ZDHHC21: variants seen among roughly 807,000 people sequenced by gnomAD.
The protein encoded by ZDHHC21 is zDHHC palmitoyltransferase 21, also known as palmitoyltransferase ZDHHC21.
In ZDHHC21, 15 loss-of-function variants were observed where a neutral mutation model predicts 34.6. The ratio of observed to expected loss-of-function variants is 0.43; its 90% CI spans 0.29 to 0.67. ZDHHC21 has a LOEUF of 0.67. Ranked by LOEUF, ZDHHC21 falls within the 30% of genes least tolerant of loss-of-function variation. ZDHHC21 has a pLI of 0.14. For missense variants in ZDHHC21, 344 were observed against 327.7 expected (o/e 1.05, Z -0.38); for synonymous variants, 142 against 101.8 (o/e 1.40, Z -2.38).
intron 5 of ZDHHC21, among the ~76,000 whole-genome samples, chr9:14,665,565 A>C (rs1834272568): frequency 6.6e-6 from 1 of 151,372 alleles, no homozygotes; most frequent in African/African-American, 2.4e-5. Flanking sequence ...CCAAAGTTGA[A>C]ATGAAGGAAA....
At chr9:14,650,887 C>T (rs907013470) in intron 7 of ZDHHC21, among the ~76,000 whole-genome samples, 1 of 151,942 alleles carries the variant, frequency 6.6e-6, no homozygotes, top group African/African-American at 2.4e-5. Flanking sequence ...TTCTGTCACC[C>T]ACTGCTCTCA....
At chr9:14,622,700 C>T (rs1825511803) in intron 8 of ZDHHC21, 15 of 985,128 alleles carry the variant, frequency 1.5e-5, no homozygotes, top group Non-Finnish European at 1.8e-5. Flanking sequence ...ACCTGACAAT[C>T]GCACATAAAG....
At chr9:14,670,836 T>C (rs1403692338) in intron 5 of ZDHHC21, among the ~76,000 whole-genome samples, 1 of 152,076 alleles carries the variant, frequency 6.6e-6, no homozygotes, top group South Asian at 2.1e-4. Context: ...AAGGTGCTTT[T>C]GCCTTGTGTA....
chr9:14,619,706 TC>T, intron 8 of ZDHHC21, 24 bp from the exon 9 acceptor site: 1 of 1,256,880 alleles, frequency 8.0e-7, no homozygotes, highest in Non-Finnish European at 1.1e-6. Context: ...AAAATTATAT[TC>T]AGATGTAAGA....
At chr9:14,607,644 C>G (rs1483425040), downstream of ZDHHC21, among the ~76,000 whole-genome samples, 1 of 151,662 alleles carries the variant, frequency 6.6e-6, no homozygotes, top group African/African-American at 2.4e-5. Flanking sequence ...GAAGTAAGGA[C>G]AAGAGATCAG....
intron 6 of ZDHHC21, 44 bp from the exon 7 acceptor site, chr9:14,658,931 G>A (rs1352902106): frequency 4.4e-6 from 7 of 1,575,454 alleles, no homozygotes; most frequent in Non-Finnish European, 6.0e-6. Context: ...TAAATTTCAA[G>A]AAGTTCACCT....
chr9:14,616,211 G>C lies in ZDHHC21; in HGVS notation c.*2755C>G, dbSNP rs966545066. On this transcript the variant is annotated 3_prime_UTR_variant, in exon 10 of 10. Transcript: ENST00000380916. The stretch of plus-strand genomic sequence containing the variant: ...TAGCTACAATACATTTCTATGTTTT[G>C]TAATAAATTGGTAATTTCAAAGTAA... 6.6e-6 allele frequency: 1 copy of C among 151,620 alleles called. No homozygotes were observed. The highest frequency in any genetic ancestry group is 1.5e-5 in the Non-Finnish European group (1 of 67,722). 9.4% of individuals were successfully genotyped at this position (151,620 alleles called of 1,614,324 possible). A position where few individuals can be genotyped will look rare whatever the true frequency, so the allele number is the denominator to read the frequency against.
intron 3 of ZDHHC21, among the ~76,000 whole-genome samples, chr9:14,675,537 C>T (rs756321387): frequency 2.0e-5 from 3 of 151,838 alleles, no homozygotes; most frequent in African/African-American, 7.2e-5. Flanking sequence ...GAAGCACTGA[C>T]CCATGAGCTT....
At chr9:14,608,225 T>C (rs532553719), downstream of ZDHHC21, among the ~76,000 whole-genome samples, 2 of 152,290 alleles carry the variant, frequency 1.3e-5, no homozygotes, top group East Asian at 3.9e-4. Flanking sequence ...GGATTACGCA[T>C]CTATAGTTTC....
chr9:14,681,128 C>A (rs143663837), intron 2 of ZDHHC21, among the ~76,000 whole-genome samples: 1 of 152,164 alleles, frequency 6.6e-6, no homozygotes, highest in Non-Finnish European at 1.5e-5. Flanking sequence ...TATAACATTA[C>A]TAGTACGCAC....
chr9:14,671,706 TA>T (rs1425068191), intron 5 of ZDHHC21, among the ~76,000 whole-genome samples: 1 of 152,096 alleles, frequency 6.6e-6, no homozygotes, highest in African/African-American at 2.4e-5. Flanking sequence ...AAAACTCGAT[TA>T]AAATGTTCTA....
Position 14,651,919 on chromosome 9 carries a change from C to G in ZDHHC21, c.504+6830G>C, listed in dbSNP as rs79571708. ...CTTAAATGCCAAATCATTACCCAATCTACAGGTTTTAGAACCTAGACAATG... is the reference window on the plus strand; with the variant it reads ...CTTAAATGCCAAATCATTACCCAATGTACAGGTTTTAGAACCTAGACAATG... On this transcript the variant is annotated intron_variant, in intron 7 of 9. Coordinates refer to ENST00000380916, the MANE Select transcript of ZDHHC21 (RefSeq NM_178566.6). Among the ~76,000 whole-genome samples the G allele has an allele frequency of 8.9e-3, 1,360 of 151,974 alleles. 6 individuals carry two copies. The highest frequency in any genetic ancestry group is 0.015 in the Non-Finnish European group (1,025 of 67,808).
chr9:14,636,528 A>G (rs1459635383), intron 8 of ZDHHC21, among the ~76,000 whole-genome samples: 1 of 152,150 alleles, frequency 6.6e-6, no homozygotes, highest in Non-Finnish European at 1.5e-5. Context: ...GAAACATCAG[A>G]TTTAAACTGC....
the ZDHHC21 span, among the ~76,000 whole-genome samples, chr9:14,599,534 A>G: frequency 6.6e-6 from 1 of 151,356 alleles, no homozygotes; most frequent in Non-Finnish European, 1.5e-5. Context: ...TTGGGCAGAC[A>G]CTGAGCTAGC....
In ZDHHC21 at chr9:14,655,412, G is replaced by C. The variant is rs567228958; in HGVS notation, c.504+3337C>G. On this transcript the variant is annotated intron_variant, in intron 7 of 9. Transcript: ENST00000380916. ...GTACTAGAAAAAGCACCAATATGTAGATAACTCAAAACAAATACTGACTAT... is the reference window on the plus strand; with the variant it reads ...GTACTAGAAAAAGCACCAATATGTACATAACTCAAAACAAATACTGACTAT... Among the ~76,000 whole-genome samples, 27 of 151,980 alleles carry C rather than the reference G, an allele frequency of 1.8e-4. No individual in the cohort carries two copies. The South Asian group carries it at 5.6e-3, about 32-fold the overall frequency.
At chr9:14,679,431 A>G (rs1226221125) in intron 3 of ZDHHC21, among the ~76,000 whole-genome samples, 1 of 152,180 alleles carries the variant, frequency 6.6e-6, no homozygotes, top group Non-Finnish European at 1.5e-5. Context: ...AGTTTATATA[A>G]CATTTTTGTT....
chr9:14,676,846 A>G (rs1836483795), intron 3 of ZDHHC21, among the ~76,000 whole-genome samples: 1 of 152,022 alleles, frequency 6.6e-6, no homozygotes, highest in Non-Finnish European at 1.5e-5. Flanking sequence ...TCAAGTGCTA[A>G]AAGAAATGAC....
At chr9:14,619,293 G>A (rs181017366) in intron 9 of ZDHHC21, among the ~76,000 whole-genome samples, 195 bp from the exon 10 acceptor site, 2 of 152,200 alleles carry the variant, frequency 1.3e-5, no homozygotes, top group East Asian at 1.9e-4. Context: ...TATCTGTGTC[G>A]TCAATCAACC....
chr9:14,630,734 AAAC>A (rs1394294652), intron 8 of ZDHHC21, among the ~76,000 whole-genome samples: 2 of 152,220 alleles, frequency 1.3e-5, no homozygotes, highest in East Asian at 1.9e-4. Flanking sequence ...GCAGGCATGA[AAAC>A]AACATTAACC....
Sources: allele counts gnomAD v4.1 joint callset (sites outside exome capture counted in the v4.1 genomes callset), GRCh38; gene constraint gnomAD v4.1.1; transcripts MANE v1.5; gene names NCBI Gene and HGNC (gene_info 2026-07-23, HGNC 2026-07-21).